Variants in MAP7D1 observed in about 807,000 individuals in gnomAD.
MAP7D1 encodes the protein MAP7 domain-containing protein 1.
In MAP7D1, 30 loss-of-function variants were observed where a neutral mutation model predicts 97.5. That is an observed-to-expected ratio of 0.31 (90% confidence interval 0.23 to 0.42). The LOEUF (loss-of-function observed/expected upper bound fraction) is 0.42, where lower values mean the gene tolerates loss of function less well. Among genes scored for constraint, MAP7D1 ranks in the 10% least tolerant of loss-of-function variants. The pLI is 1.00. For missense variants in MAP7D1, 1,184 were observed against 1,179.5 expected (o/e 1.00, Z -0.06); for synonymous variants, 536 against 477.1 (o/e 1.12, Z -1.61).
chr1:36,172,668 C>T (rs749317614), intron 4 of MAP7D1, 41 bp downstream of exon 4: 136 of 1,495,910 alleles, frequency 9.1e-5, no homozygotes, highest in Non-Finnish European at 1.2e-4. Flanking sequence ...CACGTGTGCT[C>T]ACCGTCTGCA....
At position 36,176,506 on chromosome 1, in the gene MAP7D1, T is replaced by G. The variant is rs2124243743; in HGVS notation, c.1158T>G (p.Gly386=). ...TRSVHRCAPA[G]ERGERRKPNA... ...GCGTGCACCGCTGCGCCCCCGCCGG[T>G]GAGCGCGGGGAGCGCCGCAAGCCCA... Residue 386 remains glycine, a synonymous_variant, in exon 7 of 17, where the codon GGT becomes GGG. Coordinates refer to ENST00000474796, the MANE Select transcript of MAP7D1 (RefSeq NM_001388490.1). This position sits in a 1 kb window ranked among gnomAD's most constrained non-coding sequence, Gnocchi z 6.1. The G allele has an allele frequency of 7.3e-7, 1 of 1,378,180 alleles. No individual in the cohort carries two copies. The highest frequency in any genetic ancestry group is 9.4e-7 in the Non-Finnish European group (1 of 1,067,282). 85.4% of individuals were successfully genotyped at this position (1,378,180 alleles called of 1,614,324 possible).
intron 4 of MAP7D1, 111 bp downstream of exon 4, chr1:36,172,738 G>A: frequency 8.4e-7 from 1 of 1,186,352 alleles, no homozygotes; most frequent in Non-Finnish European, 1.1e-6. Flanking sequence ...GTGTCTATGT[G>A]GTCCTATTTG....
At chr1:36,179,852 G>T (rs1460066592) in intron 15 of MAP7D1, 22 bp from the exon 16 acceptor site, 2 of 1,603,136 alleles carry the variant, frequency 1.2e-6, no homozygotes, top group South Asian at 2.2e-5. Context: ...GAGGTGCTGA[G>T]CCTTGGCCTC....
chr1:36,170,694 C>T (rs1382014187), intron 1 of MAP7D1, among the ~76,000 whole-genome samples: 1 of 152,322 alleles, frequency 6.6e-6, no homozygotes, highest in East Asian at 1.9e-4. Context: ...GGTTAACTAT[C>T]TCTGCTTTGC....
At chr1:36,165,169 G>T (rs2124211916) in intron 1 of MAP7D1, among the ~76,000 whole-genome samples, 1 of 152,286 alleles carries the variant, frequency 6.6e-6, no homozygotes, top group East Asian at 1.9e-4. Flanking sequence ...TGTTGCCCAA[G>T]CTGGTATACA....
chr1:36,171,057 C>T lies in MAP7D1; in HGVS notation c.133C>T (p.Pro45Ser). 1 of 1,575,716 alleles carries T rather than the reference C, an allele frequency of 6.3e-7. No individual in the cohort carries two copies. Among genetic ancestry groups the T allele is most frequent in the Non-Finnish European group, 8.7e-7 (1 of 1,154,468 alleles). Residue 45 changes from proline to serine, a missense_variant, in exon 2 of 17, where the codon CCC becomes TCC. Physicochemically the swap from Pro to Ser is moderately conservative, Grantham distance 74. Transcript: ENST00000474796. ...ACCACCACCAATGTCAGCCCTGGTC[C>T]CCGACACTCCCCCGGACACCCCTCC... is the stretch of plus-strand genomic sequence containing the variant. ...PPPPPMSALV[P>S]DTPPDTPPAM...
In MAP7D1 at chr1:36,179,729, A is replaced by G. The variant is rs1644689699; in HGVS notation, c.2291A>G (p.Glu764Gly). The change falls in exon 15 of 17, where the codon GAG becomes GGG. Residue 764 changes from glutamate to glycine, a missense_variant. Physicochemically the swap from Glu to Gly is moderately conservative, Grantham distance 98 (BLOSUM62 -2). Transcript: ENST00000474796. ...CAGAAGGAGGCTGTGCAGAAAGAGG[A>G]GCCCATCCCACAGGAGCCTCAGTGG... ...GLQKEAVQKE[E>G]PIPQEPQWSL... is the part of the protein sequence containing the mutation. 7 of 1,518,240 alleles carry G rather than the reference A, an allele frequency of 4.6e-6. No individual in the cohort carries two copies. In the South Asian group the frequency reaches 9.3e-5, roughly 20 times the overall value. The allele number at this position is 1,518,240 out of a possible 1,614,324, so 94.0% of individuals were successfully genotyped here. A position where few individuals can be genotyped will look rare whatever the true frequency, so the allele number is the denominator to read the frequency against.
chr1:36,169,276 G>A lies in MAP7D1; in HGVS notation c.47-1695G>A, dbSNP rs549738931. ...TGAAAAAAAAAAAAAAAGGCCGGGC[G>A]CGGTGGGCAGTGGCTCACGCCTGTA... On this transcript the variant is annotated intron_variant, in intron 1 of 16. Transcript: ENST00000474796. 1.3e-3 allele frequency among the ~76,000 whole-genome samples: 196 copies of A among 151,034 alleles called. 3 individuals are homozygous for A. The highest frequency in any genetic ancestry group is 4.4e-3 in the African/African-American group (183 of 41,202).
chr1:36,179,112 G>A, intron 12 of MAP7D1, 87 bp downstream of exon 12: 2 of 1,500,598 alleles, frequency 1.3e-6, no homozygotes, highest in Non-Finnish European at 1.8e-6. Flanking sequence ...CGGACAGGAC[G>A]GGAAAGCGCT....
At position 36,173,369 on chromosome 1, in the gene MAP7D1, C is replaced by T. The variant is rs149612978; in HGVS notation, c.630C>T (p.Arg210=). Residue 210 remains arginine (R), a synonymous_variant, in exon 5 of 17, where the codon CGC becomes CGT. Transcript: ENST00000474796. ...QRQKLEKNKE[R]YEAAIQRSVK... The stretch of plus-strand genomic sequence containing the variant: ...TTCTCCCCACCTTCCCCCAGGAGCG[C>T]TATGAAGCAGCCATCCAACGGTCAG... 2.8e-4 allele frequency: 452 copies of T among 1,613,332 alleles called. 2 individuals carry two copies. The African/African-American group carries it at 4.9e-3, about 17-fold the overall frequency.
chr1:36,165,194 G>A (rs776225689), intron 1 of MAP7D1, among the ~76,000 whole-genome samples: 16 of 152,046 alleles, frequency 1.1e-4, no homozygotes, highest in Non-Finnish European at 2.9e-5. Context: ...TATAATCATC[G>A]CTCACTGTAG....
intron 15 of MAP7D1, 25 bp downstream of exon 15, chr1:36,179,781 C>T (rs775440218): frequency 3.9e-6 from 6 of 1,545,548 alleles, no homozygotes; most frequent in Admixed American, 4.1e-5. Context: ...TCCCAGGGTC[C>T]CTGAGCAGGG....
rs747728209 is a variant in MAP7D1, at chr1:36,176,565, G to A, written c.1217G>A (p.Arg406Gln). 1.3e-5 allele frequency: 19 copies of A among 1,485,776 alleles called. No homozygotes were observed. Among genetic ancestry groups the A allele is most frequent in the Non-Finnish European group, 1.6e-5 (18 of 1,119,086 alleles). The allele number at this position is 1,485,776 out of a possible 1,614,324, so 92.0% of individuals were successfully genotyped here. A position where few individuals can be genotyped will look rare whatever the true frequency, so the allele number is the denominator to read the frequency against. ...AGGSPAPVRR[R>Q]PEASPVQKKE... is the part of the protein sequence containing the mutation. ...GGCAGCCCCGCTCCGGTGCGCCGCC[G>A]GCCGGAGGCCTCGCCGGTGAGTGGC... The change falls in exon 7 of 17, where the codon CGG becomes CAG. Residue 406 changes from arginine (R) to glutamine (Q), a missense_variant. Transcript: ENST00000474796. The surrounding 1 kb of genome is among the most constrained non-coding windows in gnomAD (Gnocchi z 6.1).
chr1:36,161,310 A>T lies in MAP7D1; in HGVS notation c.46+4847A>T, dbSNP rs191905369. On this transcript the variant is annotated intron_variant, in intron 1 of 16. Transcript: ENST00000474796. ...TAAGGGTCCCTCCTCTCCCGGCCCC[A>T]CAATTAGGCATTCCCCAGAGTTTGC... 2.3e-3 allele frequency among the ~76,000 whole-genome samples: 357 copies of T among 152,198 alleles called. 1 individual carries two copies. The highest frequency in any genetic ancestry group is 7.9e-3 in the African/African-American group (328 of 41,516).
chr1:36,158,472 G>C (rs1644366898), intron 1 of MAP7D1, among the ~76,000 whole-genome samples: 2 of 152,162 alleles, frequency 1.3e-5, no homozygotes, highest in Non-Finnish European at 2.9e-5. Context: ...AGGGGGTGGT[G>C]TGGAGTAGAG....
At position 36,179,669 on chromosome 1, in the gene MAP7D1, C is replaced by A; in HGVS notation, c.2231C>A (p.Pro744His). ...EANANGSSPE[P>H]VKAVEARSPG... The stretch of plus-strand genomic sequence containing the variant: ...GGCCCCTCTTTCCCTGTGACAGAGC[C>A]TGTGAAAGCTGTGGAGGCTCGGTCC... The change falls in exon 15 of 17, where the codon CCT becomes CAT. Residue 744 changes from proline to histidine, a missense_variant. By Grantham distance (77) the Pro-to-His change is moderately conservative. Coordinates refer to ENST00000474796, the MANE Select transcript of MAP7D1 (RefSeq NM_001388490.1). 1 of 1,528,088 alleles carries A rather than the reference C, an allele frequency of 6.5e-7. No homozygotes were observed. The allele number at this position is 1,528,088 out of a possible 1,614,324, so 94.7% of individuals were successfully genotyped here.
At chr1:36,177,659 G>A (rs1240414000) in intron 8 of MAP7D1, 2 of 795,228 alleles carry the variant, frequency 2.5e-6, no homozygotes, top group Non-Finnish European at 4.2e-6. Context: ...CTATTGGCGG[G>A]GGACATACAA....
intron 1 of MAP7D1, among the ~76,000 whole-genome samples, chr1:36,160,796 G>A (rs1644398848): frequency 6.6e-6 from 1 of 152,216 alleles, no homozygotes; most frequent in Non-Finnish European, 1.5e-5. Flanking sequence ...TCCCTGGCTG[G>A]CAGAGGTAGC....
intron 1 of MAP7D1, among the ~76,000 whole-genome samples, chr1:36,166,019 C>G (rs191960995): frequency 6.6e-6 from 1 of 152,090 alleles, no homozygotes. Context: ...CGTGAGCCAC[C>G]GCTCCCAGCC....
Sources: gnomAD v4.1 joint callset for allele counts (sites outside exome capture counted in the v4.1 genomes callset) on GRCh38, gnomAD v4.1.1 for gene constraint, Gnocchi (gnomAD v3.1) non-coding constraint, MANE v1.5 for transcripts, NCBI Gene and HGNC (gene_info 2026-07-23, HGNC 2026-07-21) for gene names.